The following PRCC variants were observed in gnomAD, a reference collection of about 807,000 sequenced individuals.
The protein encoded by PRCC is proline-rich protein PRCC.
PRCC carries 10 observed loss-of-function variants against 44.0 expected under a neutral mutation model. That is an observed-to-expected ratio of 0.23 (90% confidence interval 0.14 to 0.39). The LOEUF (loss-of-function observed/expected upper bound fraction) is 0.39, where lower values mean the gene tolerates loss of function less well. Ranked by LOEUF, PRCC falls within the 10% of genes least tolerant of loss-of-function variation. The probability of loss-of-function intolerance (pLI) is 1.00; values close to 1 mark genes in which losing one functional copy is unlikely to be tolerated. For missense variants in PRCC, 573 were observed against 624.7 expected (o/e 0.92, Z 0.88); for synonymous variants, 278 against 259.5 (o/e 1.07, Z -0.69).
intron 1 of PRCC, among the ~76,000 whole-genome samples, chr1:156,772,610 A>C (rs894910093): frequency 1.3e-5 from 2 of 152,218 alleles, no homozygotes; most frequent in Non-Finnish European, 2.9e-5. Flanking sequence ...GTGTATTCCA[A>C]AGCACACAGA....
At chr1:156,794,889 C>T in intron 5 of PRCC, 81 bp downstream of exon 5, 2 of 1,550,976 alleles carry the variant, frequency 1.3e-6, no homozygotes, top group Non-Finnish European at 1.8e-6. Flanking sequence ...CTTGACCCCA[C>T]ACCCCATTGT....
chr1:156,768,287 C>A lies in PRCC; in HGVS notation c.468+48C>A, dbSNP rs1651495675. The A allele has an allele frequency of 4.0e-6, 6 of 1,515,514 alleles. No individual in the cohort carries two copies. The Admixed American group carries it at 7.9e-5, about 20-fold the overall frequency. 93.9% of individuals were successfully genotyped at this position (1,515,514 alleles called of 1,614,324 possible). ...CCCAAACTGTCCATCGGGTTTGAGT[C>A]GGCTGTAGGAGGGACATGTGGAGAT... On this transcript the variant is annotated intron_variant, in intron 1 of 6. Transcript: ENST00000271526.
intron 4 of PRCC, among the ~76,000 whole-genome samples, chr1:156,794,353 A>G (rs552612504): frequency 6.6e-6 from 1 of 152,332 alleles, no homozygotes; most frequent in East Asian, 1.9e-4. Context: ...AGTTTGTTAC[A>G]TGGATATATT....
intron 1 of PRCC, among the ~76,000 whole-genome samples, chr1:156,774,485 TTTTTTC>T: frequency 6.6e-6 from 1 of 151,314 alleles, no homozygotes; most frequent in Non-Finnish European, 1.5e-5. Context: ...TTTTCTTTTC[TTTTTTC>T]TTTTTTTTTC....
intron 3 of PRCC, chr1:156,791,315 G>A (rs992554892): frequency 3.7e-6 from 2 of 538,678 alleles, no homozygotes; most frequent in South Asian, 1.8e-5. Flanking sequence ...TGCTCGCATC[G>A]TAGCTCATTG....
chr1:156,796,908 A>T, intron 5 of PRCC: 3 of 204,010 alleles, frequency 1.5e-5, no homozygotes, highest in South Asian at 1.5e-4. Flanking sequence ...AAACTGTTTC[A>T]GACTGACTGC....
rs185040554 is a variant in PRCC at position 156,767,550 on chromosome 1, G to A, written c.-222G>A. The A allele has an allele frequency of 7.0e-6, 4 of 572,734 alleles. No homozygotes were observed. In the East Asian group the frequency reaches 9.0e-5, roughly 13 times the overall value. The allele number at this position is 572,734 out of a possible 1,614,324, so 35.5% of individuals were successfully genotyped here. A position where few individuals can be genotyped will look rare whatever the true frequency, so the allele number is the denominator to read the frequency against. Reference sequence around the variant, plus strand: ...GTGACTCGGCGGCCATTAGCTGTGTGTAGTTGCCCGGGACTAGGAGCTTAA... The same window carrying A: ...GTGACTCGGCGGCCATTAGCTGTGTATAGTTGCCCGGGACTAGGAGCTTAA... On this transcript the variant is annotated 5_prime_UTR_variant, in exon 1 of 7. Transcript: ENST00000271526.
At chr1:156,796,463 AGAG>A (rs1171855305) in intron 5 of PRCC, 1 of 152,260 alleles carries the variant, frequency 6.6e-6, no homozygotes, top group Non-Finnish European at 1.5e-5. Context: ...GAGACTCTAG[AGAG>A]GAGTTTTGGG....
intron 2 of PRCC, among the ~76,000 whole-genome samples, chr1:156,784,816 C>T (rs959872099): frequency 3.3e-5 from 5 of 152,164 alleles, no homozygotes; most frequent in Non-Finnish European, 4.4e-5. Context: ...TTAGGCCAAA[C>T]GGGCCTTTTA....
rs1407311187 is a variant in PRCC at position 156,767,896 on chromosome 1, T to A, written c.125T>A (p.Leu42His). 6.2e-7 allele frequency: 1 copy of A among 1,604,074 alleles called. No homozygotes were observed. Among genetic ancestry groups the A allele is most frequent in the East Asian group, 2.2e-5 (1 of 44,576 alleles). ...GPALGGLFAS[L>H]PAPKGPALLP... is the part of the protein sequence containing the mutation. ...GCTTTAGGGGGCTTGTTCGCTTCTCTCCCTGCGCCCAAGGGTCCGGCCTTG... is the reference window on the plus strand; with the variant it reads ...GCTTTAGGGGGCTTGTTCGCTTCTCACCCTGCGCCCAAGGGTCCGGCCTTG... Residue 42 changes from leucine (L) to histidine (H), a missense_variant, in exon 1 of 7, where the codon CTC becomes CAC. Leu to His is a moderately conservative substitution (Grantham distance 99). Transcript: ENST00000271526.
intron 2 of PRCC, among the ~76,000 whole-genome samples, chr1:156,785,071 A>C (rs568896136): frequency 6.6e-6 from 1 of 152,318 alleles, no homozygotes; most frequent in Admixed American, 6.5e-5. Flanking sequence ...GATGGCACTA[A>C]AGATACTAAA....
chr1:156,791,599 C>A, intron 3 of PRCC, 98 bp from the exon 4 acceptor site: 2 of 1,095,468 alleles, frequency 1.8e-6, no homozygotes, highest in Non-Finnish European at 2.6e-6. Flanking sequence ...CTCACCATTG[C>A]CTCTTTGATG....
chr1:156,792,244 C>G (rs1377559970), intron 4 of PRCC, among the ~76,000 whole-genome samples: 1 of 151,518 alleles, frequency 6.6e-6, no homozygotes, highest in African/African-American at 2.4e-5. Context: ...TAGGCTGTGG[C>G]CTTTATTCTT....
In PRCC at chr1:156,787,051, C is replaced by T. The variant is rs753987950; in HGVS notation, c.960C>T (p.Pro320=). The T allele has an allele frequency of 1.9e-6, 3 of 1,614,070 alleles. No homozygotes were observed. Among genetic ancestry groups the T allele is most frequent in the Non-Finnish European group, 2.5e-6 (3 of 1,180,032 alleles). The change falls in exon 3 of 7, where the codon CCC becomes CCT. Residue 320 remains proline, a synonymous_variant. Transcript: ENST00000271526. ...TCCAGGACGATGCAGCCAATGCCCC[C>T]CTTGAATTCAAGATGGCAGCAGGTT... The part of the protein sequence containing the change: ...PAFQDDAANA[P]LEFKMAAGSS...
At position 156,794,694 on chromosome 1, in the gene PRCC, A is replaced by C; in HGVS notation, c.1209A>C (p.Arg403=). ...AGCGGCTGCAGGGCAAGAGGAACCG[A>C]GGGAGAGAAGAAATCAACTTTGTGG... ...AFKRLQGKRN[R]GREEINFVEI... Residue 403 remains arginine (R), a synonymous_variant, in exon 5 of 7, where the codon CGA becomes CGC. Transcript: ENST00000271526. 1 of 1,614,126 alleles carries C rather than the reference A, an allele frequency of 6.2e-7. No homozygotes were observed. Among genetic ancestry groups the C allele is most frequent in the Non-Finnish European group, 8.5e-7 (1 of 1,180,020 alleles).
intron 3 of PRCC, among the ~76,000 whole-genome samples, chr1:156,790,155 CA>C (rs1449947081): frequency 6.6e-6 from 1 of 152,206 alleles, no homozygotes; most frequent in African/African-American, 2.4e-5. Context: ...GAATGGTCAG[CA>C]TTATTGTTTT....
chr1:156,788,789 G>A (rs148281034), intron 3 of PRCC, among the ~76,000 whole-genome samples: 142 of 150,234 alleles, frequency 9.5e-4, no homozygotes, highest in African/African-American at 3.3e-3. Context: ...AGCCTCCCTA[G>A]TAGTTTGGAT....
intron 1 of PRCC, among the ~76,000 whole-genome samples, chr1:156,774,156 C>CTTTTTTTTTTTTTTT (rs1571573309): frequency 1.8e-5 from 1 of 56,030 alleles, no homozygotes; most frequent in Non-Finnish European, 3.7e-5. Flanking sequence ...TTTTGAGTCA[C>CTTTTTTTTTTTTTTT]CTTTTTTTTT....
rs1651431326 is a variant in PRCC at position 156,767,548 on chromosome 1, G to C, written c.-224G>C. On this transcript the variant is annotated 5_prime_UTR_variant, in exon 1 of 7. Transcript: ENST00000271526. ...GAGTGACTCGGCGGCCATTAGCTGT[G>C]TGTAGTTGCCCGGGACTAGGAGCTT... 1.8e-6 allele frequency: 1 copy of C among 570,372 alleles called. No homozygotes were observed. The highest frequency in any genetic ancestry group is 2.2e-5 in the South Asian group (1 of 46,336). The allele number at this position is 570,372 out of a possible 1,614,324, so 35.3% of individuals were successfully genotyped here.
Sources: allele counts gnomAD v4.1 joint callset (sites outside exome capture counted in the v4.1 genomes callset), GRCh38; gene constraint gnomAD v4.1.1; transcripts MANE v1.5; gene names NCBI Gene and HGNC (gene_info 2026-07-23, HGNC 2026-07-21).